The following PAG1 variants were observed in gnomAD, a reference collection of about 807,000 sequenced individuals.
PAG1 encodes phosphoprotein membrane anchor with glycosphingolipid microdomains 1, also known as phosphoprotein associated with glycosphingolipid-enriched microdomains 1.
Under a neutral mutation model 31.7 loss-of-function variants are expected in PAG1, and 23 were observed. That is an observed-to-expected ratio of 0.73 (90% confidence interval 0.52 to 1.03). PAG1 has a LOEUF of 1.03. Among genes scored for constraint, PAG1 ranks in the 50% least tolerant of loss-of-function variants. The pLI is 0.00. For missense variants in PAG1, 473 were observed against 540.7 expected (o/e 0.87, Z 1.24); for synonymous variants, 214 against 210.3 (o/e 1.02, Z -0.15).
At chr8:80,981,084 C>G (rs1807290252) in intron 7 of PAG1, among the ~76,000 whole-genome samples, 1 of 152,090 alleles carries the variant, frequency 6.6e-6, no homozygotes, top group African/African-American at 2.4e-5. Flanking sequence ...CCTTGACTTT[C>G]CCTTCCCCCA....
chr8:81,069,497 T>C (rs559980037), intron 2 of PAG1, among the ~76,000 whole-genome samples: 1 of 152,352 alleles, frequency 6.6e-6, no homozygotes, highest in African/African-American at 2.4e-5. Context: ...ATTTCTAAAA[T>C]AAAAGACAGA....
chr8:81,027,633 C>A (rs538416613), intron 3 of PAG1, among the ~76,000 whole-genome samples: 2 of 152,114 alleles, frequency 1.3e-5, no homozygotes, highest in Admixed American at 1.3e-4. Context: ...AGGCCGGGCG[C>A]GGTGGCTCAT....
chr8:81,032,460 C>T (rs990541928), intron 2 of PAG1, among the ~76,000 whole-genome samples: 1 of 152,154 alleles, frequency 6.6e-6, no homozygotes, highest in African/African-American at 2.4e-5. Context: ...AAAAGATGCT[C>T]AACATCACAA....
chr8:81,044,976 GTATTTTGCTGC>G (rs1808617711), intron 2 of PAG1, among the ~76,000 whole-genome samples: 1 of 152,080 alleles, frequency 6.6e-6, no homozygotes, highest in African/African-American at 2.4e-5. Context: ...TGCACCTGGA[GTATTTTGCTGC>G]TATTTTGCAC....
chr8:81,108,014 T>G (rs944117048), intron 1 of PAG1, among the ~76,000 whole-genome samples: 1 of 152,260 alleles, frequency 6.6e-6, no homozygotes, highest in African/African-American at 2.4e-5. Context: ...TTCTTTTACA[T>G]GTATCTTTTG....
intron 3 of PAG1, among the ~76,000 whole-genome samples, chr8:81,028,676 T>G (rs954814573): frequency 6.6e-6 from 1 of 152,208 alleles, no homozygotes; most frequent in Non-Finnish European, 1.5e-5. Context: ...TAAAATAGAT[T>G]TTTGCAAAAT....
At chr8:81,060,745 G>T (rs899971319) in intron 2 of PAG1, among the ~76,000 whole-genome samples, 38 of 152,186 alleles carry the variant, frequency 2.5e-4, no homozygotes, top group African/African-American at 9.2e-4. Flanking sequence ...ATGTATAAGA[G>T]GTCACTACTT....
intron 3 of PAG1, among the ~76,000 whole-genome samples, chr8:80,997,553 C>A (rs537787383): frequency 1.1e-3 from 163 of 152,326 alleles, no homozygotes; most frequent in African/African-American, 3.7e-3. Context: ...CCACACCCAG[C>A]CTATTTCTTC....
At chr8:81,033,169 G>C (rs953075903) in intron 2 of PAG1, among the ~76,000 whole-genome samples, 11 of 152,046 alleles carry the variant, frequency 7.2e-5, no homozygotes, top group Non-Finnish European at 1.5e-4. Flanking sequence ...AATATTCCAA[G>C]GATTTGGATG....
chr8:81,042,359 A>G (rs184711063), intron 2 of PAG1, among the ~76,000 whole-genome samples: 33 of 152,314 alleles, frequency 2.2e-4, no homozygotes, highest in African/African-American at 7.7e-4. Flanking sequence ...ACTAACTGCA[A>G]AACACTAGGC....
intron 5 of PAG1, 151 bp downstream of exon 5, chr8:80,991,328 T>G: frequency 1.5e-6 from 1 of 674,610 alleles, no homozygotes; most frequent in Admixed American, 2.2e-5. Flanking sequence ...GCAGCACTAC[T>G]GCATCCATTT....
At chr8:81,002,219 T>G (rs1436857676) in intron 3 of PAG1, among the ~76,000 whole-genome samples, 1 of 152,178 alleles carries the variant, frequency 6.6e-6, no homozygotes, top group Non-Finnish European at 1.5e-5. Flanking sequence ...CACCTTTTTT[T>G]TTTTCATAAT....
intron 2 of PAG1, among the ~76,000 whole-genome samples, chr8:81,030,527 G>C (rs1808361814): frequency 6.6e-6 from 1 of 152,226 alleles, no homozygotes; most frequent in Non-Finnish European, 1.5e-5. Context: ...AAGGTAAGCT[G>C]TGATTCAGTT....
At position 80,985,267 on chromosome 8, in the gene PAG1, G is replaced by C; in HGVS notation, c.385C>G (p.Gln129Glu). ...QDSTGKPKCH[Q>E]SRELPRIPPE... is the part of the protein sequence containing the mutation. ...GGGATTCTGGGCAGCTCCCGACTCT[G>C]ATGACATTTTGGTTTCCCTGTGCTG... Residue 129 changes from glutamine to glutamate, a missense_variant, in exon 7 of 9, where the codon CAG (glutamine) becomes GAG (glutamate). Coordinates refer to ENST00000220597, the MANE Select transcript of PAG1 (RefSeq NM_018440.4). The C allele has an allele frequency of 6.2e-7, 1 of 1,614,174 alleles. No homozygotes were observed. The highest frequency in any genetic ancestry group is 8.5e-7 in the Non-Finnish European group (1 of 1,180,034).
chr8:81,082,480 G>C (rs778842901), intron 1 of PAG1, among the ~76,000 whole-genome samples: 3 of 152,056 alleles, frequency 2.0e-5, no homozygotes, highest in Non-Finnish European at 4.4e-5. Context: ...CAAGTCTTCA[G>C]CTATGATTGC....
At position 80,974,166 on chromosome 8, in the gene PAG1, T is replaced by TC. The variant is rs1427417141; in HGVS notation, c.*2377_*2378insG. On this transcript the variant is annotated 3_prime_UTR_variant, in exon 9 of 9. Transcript: ENST00000220597. ...TTCTATAAAAAGTTTTTTTTTTTTT[T>TC]TTTTTTTTACTTTAGAGATCATACC... The TC allele has an allele frequency of 2.0e-5, 3 of 150,962 alleles. No individual in the cohort carries two copies. Among genetic ancestry groups the TC allele is most frequent in the African/African-American group, 7.3e-5 (3 of 41,124 alleles). The allele number at this position is 150,962 out of a possible 1,614,324, so 9.4% of individuals were successfully genotyped here.
chr8:81,100,359 A>G lies in PAG1; in HGVS notation c.-234+11232T>C, dbSNP rs186039597. Among the ~76,000 whole-genome samples, 402 of 152,372 alleles carry G rather than the reference A, an allele frequency of 2.6e-3. 4 individuals carry two copies. Among genetic ancestry groups the G allele is most frequent in the Non-Finnish European group, 4.7e-3 (318 of 68,040 alleles). On this transcript the variant is annotated intron_variant, in intron 1 of 8. Transcript: ENST00000220597. ...ACTTTTCGTTTGCGTAAAAAATATA[A>G]TACAAATTAAACAGACATCCCCTAC...
intron 2 of PAG1, among the ~76,000 whole-genome samples, chr8:81,040,477 A>G (rs1016313357): frequency 6.6e-6 from 1 of 151,702 alleles, no homozygotes; most frequent in Admixed American, 6.6e-5. Context: ...TTAAAAAAAA[A>G]CAACAAAAAC....
intron 1 of PAG1, among the ~76,000 whole-genome samples, chr8:81,077,350 A>G (rs905506600): frequency 5.3e-5 from 8 of 152,208 alleles, no homozygotes; most frequent in African/African-American, 1.9e-4. Context: ...GTTGCTCTCT[A>G]TTCCAACCTT....
Sources: allele counts gnomAD v4.1 joint callset (sites outside exome capture counted in the v4.1 genomes callset), GRCh38; gene constraint gnomAD v4.1.1; transcripts MANE v1.5; gene names NCBI Gene and HGNC (gene_info 2026-07-23, HGNC 2026-07-21).